PRKG1: variants seen among roughly 807,000 people sequenced by gnomAD.
PRKG1 encodes the protein protein kinase cGMP-dependent 1.
Under a neutral mutation model 88.1 loss-of-function variants are expected in PRKG1, and 35 were observed. The ratio of observed to expected loss-of-function variants is 0.40; its 90% CI spans 0.30 to 0.53. The LOEUF (loss-of-function observed/expected upper bound fraction) is 0.53, where lower values mean the gene tolerates loss of function less well. Ranked by LOEUF, PRKG1 falls within the 20% of genes least tolerant of loss-of-function variation. The pLI is 0.59. For missense variants in PRKG1, 540 were observed against 839.8 expected (o/e 0.64, Z 4.41); for synonymous variants, 303 against 292.5 (o/e 1.04, Z -0.37).
intron 7 of PRKG1, among the ~76,000 whole-genome samples, chr10:52,079,392 G>C (rs923275272): frequency 6.6e-6 from 1 of 151,920 alleles, no homozygotes; most frequent in East Asian, 1.9e-4. Context: ...GATTCCAGAG[G>C]CCCTCTTCTG....
At chr10:51,742,976 AC>A (rs1205656706) in intron 3 of PRKG1, among the ~76,000 whole-genome samples, 2 of 152,090 alleles carry the variant, frequency 1.3e-5, no homozygotes, top group African/African-American at 4.8e-5. Context: ...GTAGCAAACC[AC>A]CATGGCACAT....
intron 3 of PRKG1, among the ~76,000 whole-genome samples, chr10:51,570,125 A>T (rs1837712610): frequency 1.3e-5 from 2 of 149,878 alleles, no homozygotes; most frequent in African/African-American, 5.0e-5. Context: ...ATATACAGAG[A>T]ATATGATGGT....
intron 2 of PRKG1, among the ~76,000 whole-genome samples, chr10:51,203,945 G>T (rs950745770): frequency 1.3e-5 from 2 of 152,102 alleles, no homozygotes; most frequent in Admixed American, 1.3e-4. Flanking sequence ...TTTGCCTAGG[G>T]TGATATAAGT....
intron 2 of PRKG1, among the ~76,000 whole-genome samples, chr10:51,167,240 G>A (rs1311126833): frequency 6.6e-6 from 1 of 152,156 alleles, no homozygotes. Flanking sequence ...GACTTCCCTG[G>A]GAGGGTAGCA....
chr10:52,148,871 A>G (rs1171031630), intron 8 of PRKG1, among the ~76,000 whole-genome samples: 2 of 151,064 alleles, frequency 1.3e-5, no homozygotes, highest in East Asian at 3.9e-4. Flanking sequence ...AGGCAGCAAT[A>G]GGCTGAGAAT....
intron 2 of PRKG1, among the ~76,000 whole-genome samples, chr10:51,188,029 A>C (rs1799935964): frequency 1.3e-5 from 2 of 151,996 alleles, no homozygotes; most frequent in Admixed American, 1.3e-4. Flanking sequence ...TGTTGCTCCT[A>C]AGTTTAGTAC....
At chr10:51,487,424 A>G (rs994276121) in intron 3 of PRKG1, among the ~76,000 whole-genome samples, 4 of 152,274 alleles carry the variant, frequency 2.6e-5, no homozygotes, top group African/African-American at 7.2e-5. Flanking sequence ...TATGAACTCT[A>G]TAGTCAAATA....
At chr10:51,802,794 A>G (rs1839208272) in intron 3 of PRKG1, among the ~76,000 whole-genome samples, 1 of 152,142 alleles carries the variant, frequency 6.6e-6, no homozygotes, top group Non-Finnish European at 1.5e-5. Flanking sequence ...ACAGGAAGGG[A>G]CCAGGGTCAA....
intron 2 of PRKG1, among the ~76,000 whole-genome samples, chr10:51,385,988 G>T (rs1837239184): frequency 6.6e-6 from 1 of 152,086 alleles, no homozygotes; most frequent in Non-Finnish European, 1.5e-5. Flanking sequence ...AGAATCATGA[G>T]TTAAATTTCT....
chr10:52,230,078 G>A (rs1270938446), intron 9 of PRKG1, among the ~76,000 whole-genome samples: 1 of 152,102 alleles, frequency 6.6e-6, no homozygotes, highest in Non-Finnish European at 1.5e-5. Context: ...AGTTTACCAG[G>A]ACCAACATAA....
rs560304516 is a variant in PRKG1, at chr10:51,818,527, C to T, written c.698+13837C>T. Among the ~76,000 whole-genome samples, 298 of 152,242 alleles carry T rather than the reference C, an allele frequency of 2.0e-3. 2 individuals carry two copies. Among genetic ancestry groups the T allele is most frequent in the African/African-American group, 6.9e-3 (288 of 41,546 alleles). On this transcript the variant is annotated intron_variant, in intron 4 of 17. Coordinates refer to ENST00000373980, the MANE Select transcript of PRKG1 (RefSeq NM_006258.4). The stretch of plus-strand genomic sequence containing the variant: ...CTGACATCTCAAAATACATGGCTGA[C>T]TACTTTAAATAGATATTTTTTGTAT...
chr10:52,005,136 G>T (rs1844698305), intron 5 of PRKG1, among the ~76,000 whole-genome samples: 1 of 151,634 alleles, frequency 6.6e-6, no homozygotes, highest in South Asian at 2.1e-4. Context: ...CCTGAAGCTT[G>T]CCTTTTCTTT....
At chr10:52,197,448 T>C (rs1839538120) in intron 9 of PRKG1, among the ~76,000 whole-genome samples, 1 of 152,214 alleles carries the variant, frequency 6.6e-6, no homozygotes, top group Non-Finnish European at 1.5e-5. Flanking sequence ...TGACAAGTGT[T>C]ATGTCCTTGT....
chr10:51,280,744 G>A (rs1014755243), intron 2 of PRKG1, among the ~76,000 whole-genome samples: 1 of 151,886 alleles, frequency 6.6e-6, no homozygotes, highest in Non-Finnish European at 1.5e-5. Flanking sequence ...CTCTACACTG[G>A]TTATTCTAGT....
chr10:51,267,927 A>G (rs1185135156), intron 2 of PRKG1, among the ~76,000 whole-genome samples: 4 of 152,226 alleles, frequency 2.6e-5, no homozygotes, highest in Non-Finnish European at 4.4e-5. Context: ...ATCGGGGGAA[A>G]TTCAGCCAGA....
At chr10:51,948,185 A>G (rs890110928) in intron 5 of PRKG1, among the ~76,000 whole-genome samples, 1 of 152,166 alleles carries the variant, frequency 6.6e-6, no homozygotes, top group African/African-American at 2.4e-5. Context: ...ATGATTCAAA[A>G]CATGTATTTC....
chr10:51,001,394 G>A (rs1209708929), intron 1 of PRKG1, among the ~76,000 whole-genome samples: 2 of 152,060 alleles, frequency 1.3e-5, no homozygotes, highest in African/African-American at 2.4e-5. Context: ...TCCTTTCTTT[G>A]TAAAGAAACA....
intron 4 of PRKG1, among the ~76,000 whole-genome samples, chr10:51,842,288 T>C (rs1840297205): frequency 6.6e-6 from 1 of 152,190 alleles, no homozygotes; most frequent in Non-Finnish European, 1.5e-5. Context: ...ATTGCTAAGG[T>C]AAAACAGTAT....
chr10:51,400,102 C>T (rs536190398), intron 2 of PRKG1, among the ~76,000 whole-genome samples: 173 of 152,282 alleles, frequency 1.1e-3, no homozygotes, highest in Non-Finnish European at 1.8e-3. Context: ...GATTCATTTA[C>T]TCATTTCCCT....
Sources: gnomAD v4.1 joint callset for allele counts (sites outside exome capture counted in the v4.1 genomes callset) on GRCh38, gnomAD v4.1.1 for gene constraint, MANE v1.5 for transcripts, NCBI Gene and HGNC (gene_info 2026-07-23, HGNC 2026-07-21) for gene names.